PIGX: variants seen among roughly 807,000 people sequenced by gnomAD.
The protein encoded by PIGX is phosphatidylinositol glycan anchor biosynthesis class X, also known as GPI alpha-1,4-mannosyltransferase I, stabilizing subunit.
PIGX carries 24 observed loss-of-function variants against 28.7 expected under a neutral mutation model. The ratio of observed to expected loss-of-function variants is 0.84; its 90% confidence interval spans 0.60 to 1.17. The LOEUF (loss-of-function observed/expected upper bound fraction) is 1.17. PIGX is among the 50% of genes most tolerant of loss of function. The pLI is 0.00. For missense variants in PIGX, 305 were observed against 317.8 expected (o/e 0.96, Z 0.31); for synonymous variants, 127 against 121.0 (o/e 1.05, Z -0.33).
intron 2 of PIGX, among the ~76,000 whole-genome samples, chr3:196,717,228 G>T (rs560859635): frequency 4.0e-5 from 6 of 148,210 alleles, no homozygotes; most frequent in Non-Finnish European, 7.4e-5. Context: ...TTGAACCCGG[G>T]AGGTGGAGAT....
At chr3:196,721,248 C>A in intron 2 of PIGX, 1 of 336,230 alleles carries the variant, frequency 3.0e-6, no homozygotes, top group Non-Finnish European at 5.7e-6. Context: ...CTTTTTTCTC[C>A]CTGGTCTTTT....
intron 5 of PIGX, among the ~76,000 whole-genome samples, chr3:196,732,271 ATTTTTTT>A (rs1216435994): frequency 1.2e-4 from 3 of 24,508 alleles, no homozygotes; most frequent in South Asian, 1.6e-3. Flanking sequence ...ATTTTATTTT[ATTTTTTT>A]TTTTATTTTA....
At chr3:196,732,351 G>A (rs1463275727) in intron 5 of PIGX, among the ~76,000 whole-genome samples, 3 of 141,814 alleles carry the variant, frequency 2.1e-5, no homozygotes, top group African/African-American at 5.3e-5. Context: ...GCACGATCTC[G>A]GCTCACCACA....
At position 196,731,225 on chromosome 3, in the gene PIGX, T is replaced by C; in HGVS notation, c.633+133T>C. On this transcript the variant is annotated intron_variant, in intron 5 of 5. Coordinates refer to ENST00000392391, the MANE Select transcript of PIGX (RefSeq NM_017861.4). ...CGGAGTCTCGCTCTGTCACCCAGGC[T>C]GGAGTGCAGTGGCACAATCTCGGCT... The C allele has an allele frequency of 9.9e-6, 4 of 402,742 alleles. 1 individual carries two copies. The South Asian group carries it at 1.0e-4, about 10-fold the overall frequency. The allele number at this position is 402,742 out of a possible 1,614,324, so 24.9% of individuals were successfully genotyped here. A position where few individuals can be genotyped will look rare whatever the true frequency, so the allele number is the denominator to read the frequency against.
chr3:196,722,611 T>G (rs1453606989), intron 3 of PIGX, 55 bp downstream of exon 3: 2 of 1,472,866 alleles, frequency 1.4e-6, no homozygotes, highest in African/African-American at 2.8e-5. Context: ...GTGCTGTAGT[T>G]TGGATTAAGG....
At position 196,712,515 on chromosome 3, in the gene PIGX, C is replaced by A; in HGVS notation, c.-18C>A. 1 of 1,132,888 alleles carries A rather than the reference C, an allele frequency of 8.8e-7. No individual in the cohort carries two copies. The highest frequency in any genetic ancestry group is 1.6e-5 in the African/African-American group (1 of 61,368). 70.2% of individuals were successfully genotyped at this position (1,132,888 alleles called of 1,614,324 possible). ...CCTGGCCCCGCGCGCCCCTCTCGGG[C>A]GTCCGGCTTCCGGCGTCCTGGCGGC... On this transcript the variant is annotated 5_prime_UTR_variant, in exon 1 of 6. Coordinates refer to ENST00000392391, the MANE Select transcript of PIGX (RefSeq NM_017861.4).
At position 196,712,488 on chromosome 3, in the gene PIGX, C is replaced by A; in HGVS notation, c.-45C>A. The A allele has an allele frequency of 2.1e-6, 2 of 972,528 alleles. No homozygotes were observed. Among genetic ancestry groups the A allele is most frequent in the Non-Finnish European group, 2.6e-6 (2 of 773,636 alleles). The allele number at this position is 972,528 out of a possible 1,614,324, so 60.2% of individuals were successfully genotyped here. A position where few individuals can be genotyped will look rare whatever the true frequency, so the allele number is the denominator to read the frequency against. On this transcript the variant is annotated 5_prime_UTR_variant, in exon 1 of 6. Coordinates refer to ENST00000392391, the MANE Select transcript of PIGX (RefSeq NM_017861.4). ...GCGGCCAGGCCCCTTCCTGCGTCCG[C>A]ACCTGGCCCCGCGCGCCCCTCTCGG...
intron 5 of PIGX, among the ~76,000 whole-genome samples, chr3:196,732,238 ATATATATATATATATATATTT>A: frequency 2.4e-4 from 14 of 57,954 alleles, no homozygotes; most frequent in South Asian, 6.0e-4. Context: ...ATATATATAT[ATATATATATATATATATATTT>A]TATTTTATTT....
chr3:196,732,917 T>A (rs1400117911), intron 5 of PIGX, among the ~76,000 whole-genome samples: 1 of 152,210 alleles, frequency 6.6e-6, no homozygotes, highest in Non-Finnish European at 1.5e-5. Flanking sequence ...GCTTTTCCAT[T>A]GCTAGTCATA....
At chr3:196,732,217 TA>T (rs1288829795) in intron 5 of PIGX, among the ~76,000 whole-genome samples, 45 of 5,390 alleles carry the variant, frequency 8.3e-3, no homozygotes, top group Admixed American at 0.038. Flanking sequence ...ATATATTATT[TA>T]TATATATATA....
At chr3:196,721,070 G>T in intron 2 of PIGX, 2 of 256,320 alleles carry the variant, frequency 7.8e-6, no homozygotes, top group South Asian at 8.1e-5. Context: ...CCTGCTTAGG[G>T]TTGGTTGGCT....
Position 196,715,193 on chromosome 3 carries a change from C to T in PIGX, c.113-1665C>T, listed in dbSNP as rs538642564. ...TTCAGGAAAAGATCATATGCTTCTCCAAAGCAAATACAATTTCTTTTTTGA... is the reference window on the plus strand; with the variant it reads ...TTCAGGAAAAGATCATATGCTTCTCTAAAGCAAATACAATTTCTTTTTTGA... On this transcript the variant is annotated intron_variant, in intron 1 of 5. Transcript: ENST00000392391. Among the ~76,000 whole-genome samples, 26 of 152,236 alleles carry T rather than the reference C, an allele frequency of 1.7e-4. 1 individual carries two copies. The East Asian group carries it at 4.8e-3, about 28-fold the overall frequency.
intron 1 of PIGX, chr3:196,713,207 A>G (rs1404711132): frequency 8.0e-6 from 4 of 498,996 alleles, no homozygotes; most frequent in Non-Finnish European, 7.8e-6. Flanking sequence ...CCTTGGTATC[A>G]TTTAGATCCG....
At position 196,716,955 on chromosome 3, in the gene PIGX, A is replaced by G. The variant is rs1906045; in HGVS notation, c.176+34A>G. 506,290 of 1,281,524 alleles carry G rather than the reference A, an allele frequency of 0.4. 101,377 individuals are homozygous for G. Among genetic ancestry groups the G allele is most frequent in the East Asian group, 0.6 (26,070 of 43,148 alleles). The allele number at this position is 1,281,524 out of a possible 1,614,324, so 79.4% of individuals were successfully genotyped here. Reference sequence around the variant, plus strand: ...CCTGTTGATTTCTATTTCTATTAAAATAATGTGTCATATAATTGAGAGCAA... The same window carrying G: ...CCTGTTGATTTCTATTTCTATTAAAGTAATGTGTCATATAATTGAGAGCAA... On this transcript the variant is annotated intron_variant, in intron 2 of 5. Transcript: ENST00000392391.
chr3:196,722,566 T>C lies in PIGX; in HGVS notation c.318+10T>C, dbSNP rs1401099444. The C allele has an allele frequency of 1.9e-6, 3 of 1,607,418 alleles. No individual in the cohort carries two copies. The highest frequency in any genetic ancestry group is 1.3e-5 in the African/African-American group (1 of 74,650). On this transcript the variant is annotated intron_variant, in intron 3 of 5. Transcript: ENST00000392391. ...GAGAAACATAACAGAGGTACAGTTA[T>C]TAGGGGATTTTTTGGGAGAGAAATT... is the stretch of plus-strand genomic sequence containing the variant.
rs1177277581 is a variant in PIGX, at chr3:196,719,299, C to G, written c.176+2378C>G. Among the ~76,000 whole-genome samples, 4 of 151,456 alleles carry G rather than the reference C, an allele frequency of 2.6e-5. No homozygotes were observed. In the East Asian group the frequency reaches 5.8e-4, roughly 22 times the overall value. On this transcript the variant is annotated intron_variant, in intron 2 of 5. Coordinates refer to ENST00000392391, the MANE Select transcript of PIGX (RefSeq NM_017861.4). ...ATCTAGTCTTCTCCTTCTTTTCTTG[C>G]CTTATTTTGGGTAAATTGAGTATTT...
At chr3:196,722,850 A>G (rs1038327142) in intron 3 of PIGX, among the ~76,000 whole-genome samples, 2 of 152,232 alleles carry the variant, frequency 1.3e-5, no homozygotes, top group Non-Finnish European at 2.9e-5. Context: ...GTGCCTCAAC[A>G]GTAACTTTGT....
At chr3:196,726,443 G>C (rs1157837712) in intron 3 of PIGX, among the ~76,000 whole-genome samples, 2 of 152,192 alleles carry the variant, frequency 1.3e-5, no homozygotes, top group Non-Finnish European at 2.9e-5. Flanking sequence ...TCCAGCCTGG[G>C]TGACAGAGTG....
At chr3:196,726,784 AGTTTCTACTCATG>A in intron 3 of PIGX, 1 of 409,310 alleles carries the variant, frequency 2.4e-6, no homozygotes, top group Non-Finnish European at 4.9e-6. Flanking sequence ...TAGTACATAC[AGTTTCTACTCATG>A]AAAAAGAAAT....
Sources: allele counts gnomAD v4.1 joint callset (sites outside exome capture counted in the v4.1 genomes callset), GRCh38; gene constraint gnomAD v4.1.1; transcripts MANE v1.5; gene names NCBI Gene and HGNC (gene_info 2026-07-23, HGNC 2026-07-21).